BRIP1: variants seen among roughly 807,000 people sequenced by gnomAD.
The protein encoded by BRIP1 is BRCA1 interacting DNA helicase 1.
BRIP1 carries 88 observed loss-of-function variants against 119.7 expected under a neutral mutation model. The observed-to-expected ratio is 0.74, with a 90% CI of 0.62 to 0.88. The LOEUF is 0.88. BRIP1 is among the 40% of genes least tolerant of loss of function. BRIP1 has a pLI of 0.00. For missense variants in BRIP1, 1,259 were observed against 1,455.4 expected (o/e 0.87, Z 2.20); for synonymous variants, 443 against 496.5 (o/e 0.89, Z 1.43).
chr17:61,694,696 C>A (rs1603281445), intron 17 of BRIP1, among the ~76,000 whole-genome samples: 2 of 151,718 alleles, frequency 1.3e-5, no homozygotes, highest in East Asian at 3.9e-4. Flanking sequence ...TATTGTATAC[C>A]CTTCTAAAAA....
rs1160636665 is a variant in BRIP1, at chr17:61,822,202, T to C, written c.628-13445A>G. On this transcript the variant is annotated intron_variant, in intron 6 of 19. Coordinates refer to ENST00000259008, the MANE Select transcript of BRIP1 (RefSeq NM_032043.3). The surrounding 1 kb of genome is among the most constrained non-coding windows in gnomAD (Gnocchi z 4.4). ...ACAATAAAAGAAGAAGAAAAGCTAT[T>C]TGACGAATAGACTGATAATGGGATT... 6.6e-6 allele frequency among the ~76,000 whole-genome samples: 1 copy of C among 152,156 alleles called. No individual in the cohort carries two copies. Among genetic ancestry groups the C allele is most frequent in the Non-Finnish European group, 1.5e-5 (1 of 68,018 alleles).
Position 61,857,017 on chromosome 17 carries a change from T to A in BRIP1, c.379+41A>T, listed in dbSNP as rs1467879955. On this transcript the variant is annotated intron_variant, in intron 4 of 19. Coordinates refer to ENST00000259008, the MANE Select transcript of BRIP1 (RefSeq NM_032043.3). The surrounding 1 kb of genome is among the most constrained non-coding windows in gnomAD (Gnocchi z 5.1). ...CTTATAACAGTAATAATTAAGACTC[T>A]TATTACAGATATCAACTGACCCAGG... 6.3e-7 allele frequency: 1 copy of A among 1,574,966 alleles called. No homozygotes were observed. The highest frequency in any genetic ancestry group is 1.1e-5 in the South Asian group (1 of 90,272).
At position 61,757,805 on chromosome 17, in the gene BRIP1, G is replaced by C. The variant is rs907804114; in HGVS notation, c.2098-13214C>G. Among the ~76,000 whole-genome samples the C allele has an allele frequency of 6.6e-6, 1 of 151,936 alleles. No homozygotes were observed. Among genetic ancestry groups the C allele is most frequent in the African/African-American group, 2.4e-5 (1 of 41,376 alleles). ...TCTTGAGCTCAGGATTTCAAGACCA[G>C]CCTGGGCAACATGGCTAAACCCCAT... On this transcript the variant is annotated intron_variant, in intron 14 of 19. Coordinates refer to ENST00000259008, the MANE Select transcript of BRIP1 (RefSeq NM_032043.3). The surrounding 1 kb of genome is among the most constrained non-coding windows in gnomAD (Gnocchi z 4.3).
Position 61,793,857 on chromosome 17 carries a change from T to A in BRIP1, c.1341-128A>T. ...TCTTGACATTCTTAGGACATGAATG[T>A]GGATTAATTAAGACACCTTTTAAAA... On this transcript the variant is annotated intron_variant, in intron 9 of 19. Coordinates refer to ENST00000259008, the MANE Select transcript of BRIP1 (RefSeq NM_032043.3). The surrounding 1 kb of genome is among the most constrained non-coding windows in gnomAD (Gnocchi z 5.2). 1.0e-6 allele frequency: 1 copy of A among 952,490 alleles called. No individual in the cohort carries two copies. Among genetic ancestry groups the A allele is most frequent in the Non-Finnish European group, 1.5e-6 (1 of 681,802 alleles). 59.0% of individuals were successfully genotyped at this position (952,490 alleles called of 1,614,324 possible). A position where few individuals can be genotyped will look rare whatever the true frequency, so the allele number is the denominator to read the frequency against.
intron 8 of BRIP1, 25 bp downstream of exon 8, chr17:61,801,228 T>C (rs981878894): frequency 1.3e-6 from 2 of 1,579,054 alleles, no homozygotes; most frequent in East Asian, 2.2e-5. Context: ...AGGAAGAAGG[T>C]TCTCATTTTT....
chr17:61,700,458 T>G lies in BRIP1; in HGVS notation c.2493-6946A>C, dbSNP rs1024306381. On this transcript the variant is annotated intron_variant, in intron 17 of 19. Transcript: ENST00000259008. The surrounding 1 kb of genome is among the most constrained non-coding windows in gnomAD (Gnocchi z 4.1). ...TTTACCTTATTTCTGAAGGACAGTT[T>G]TGTTAGATATAGTATTCTTGGTTGA... Among the ~76,000 whole-genome samples, 1 of 152,208 alleles carries G rather than the reference T, an allele frequency of 6.6e-6. No homozygotes were observed. Among genetic ancestry groups the G allele is most frequent in the African/African-American group, 2.4e-5 (1 of 41,456 alleles).
rs373962393 is a variant in BRIP1 at position 61,825,412 on chromosome 17, T to C, written c.628-16655A>G. Among the ~76,000 whole-genome samples, 69 of 152,036 alleles carry C rather than the reference T, an allele frequency of 4.5e-4. No individual in the cohort carries two copies. In the East Asian group the frequency reaches 0.012, roughly 26 times the overall value. On this transcript the variant is annotated intron_variant, in intron 6 of 19. Transcript: ENST00000259008. The surrounding 1 kb of genome is among the most constrained non-coding windows in gnomAD (Gnocchi z 4.1). ...GAGAAAGAAATAAAGGGCATCCAAA[T>C]AGGAAGAGAGGAAGTCAAACTATCC...
chr17:61,767,831 C>T lies in BRIP1; in HGVS notation c.2097+8570G>A, dbSNP rs2077394111. ...GTGATTATGAAAATATTTTCTGTGC[C>T]TTTGCTAATACATGTCTCCTTGGTC... On this transcript the variant is annotated intron_variant, in intron 14 of 19. Coordinates refer to ENST00000259008, the MANE Select transcript of BRIP1 (RefSeq NM_032043.3). The surrounding 1 kb of genome is among the most constrained non-coding windows in gnomAD (Gnocchi z 5.7). Among the ~76,000 whole-genome samples the T allele has an allele frequency of 6.6e-6, 1 of 152,136 alleles. No homozygotes were observed.
chr17:61,851,709 C>T lies in BRIP1; in HGVS notation c.380-2453G>A, dbSNP rs1407211334. 6.6e-6 allele frequency among the ~76,000 whole-genome samples: 1 copy of T among 152,166 alleles called. No individual in the cohort carries two copies. Among genetic ancestry groups the T allele is most frequent in the Non-Finnish European group, 1.5e-5 (1 of 68,032 alleles). ...TGGTGGATCAAATCTCTCACCTTGA[C>T]CTGCTTCTTCAAAAGCATCCTGGCT... On this transcript the variant is annotated intron_variant, in intron 4 of 19. Coordinates refer to ENST00000259008, the MANE Select transcript of BRIP1 (RefSeq NM_032043.3). The surrounding 1 kb of genome is among the most constrained non-coding windows in gnomAD (Gnocchi z 4.6).
rs552840954 is a variant in BRIP1, at chr17:61,780,728, AAACAACAAC to A, written c.1794+103_1794+111del. The A allele has an allele frequency of 3.3e-5, 44 of 1,316,434 alleles. No homozygotes were observed. In the South Asian group the frequency reaches 4.3e-4, roughly 13 times the overall value. 81.5% of individuals were successfully genotyped at this position (1,316,434 alleles called of 1,614,324 possible). ...GGGTGAAGAGCAAGACCCTGCCTCA[AAACAACAAC>A]AACAACAACAACAAACAACTATCTT... On this transcript the variant is annotated intron_variant, in intron 12 of 19. Transcript: ENST00000259008. This position sits in a 1 kb window ranked among gnomAD's most constrained non-coding sequence, Gnocchi z 5.4.
At chr17:61,685,468 C>T (rs113768494) in intron 19 of BRIP1, 2,793 of 249,140 alleles carry the variant, frequency 0.011, 21 homozygotes, top group Non-Finnish European at 0.016. Context: ...ATAACATCTA[C>T]CACTTACATG....
At chr17:61,826,247 A>G (rs1398183505) in intron 6 of BRIP1, among the ~76,000 whole-genome samples, 3 of 152,198 alleles carry the variant, frequency 2.0e-5, no homozygotes, top group Non-Finnish European at 1.5e-5. Flanking sequence ...TTCAAAAATT[A>G]AGATAGATTA....
In BRIP1 at chr17:61,757,444, G is replaced by C. The variant is rs1479602851; in HGVS notation, c.2098-12853C>G. Among the ~76,000 whole-genome samples, 3 of 152,034 alleles carry C rather than the reference G, an allele frequency of 2.0e-5. No individual in the cohort carries two copies. The highest frequency in any genetic ancestry group is 4.4e-5 in the Non-Finnish European group (3 of 68,010). ...AAGACCTCTGTTGGCAATCTAACTG[G>C]AAATGAAGATCCTACAGCCCTCTCT... On this transcript the variant is annotated intron_variant, in intron 14 of 19. Transcript: ENST00000259008. This position sits in a 1 kb window ranked among gnomAD's most constrained non-coding sequence, Gnocchi z 4.3.
intron 14 of BRIP1, among the ~76,000 whole-genome samples, chr17:61,750,547 G>A (rs2077118120): frequency 6.6e-6 from 1 of 151,990 alleles, no homozygotes; most frequent in South Asian, 2.1e-4. Context: ...AACTTTTTTG[G>A]ATACTGTCAA....
chr17:61,726,903 T>C lies in BRIP1; in HGVS notation c.2380-10840A>G, dbSNP rs1458890526. ...GTCTAAATATTATTTTATTCAAATATCTTACAATCTAGAGTTTTTCTTGTT... is the reference window on the plus strand; with the variant it reads ...GTCTAAATATTATTTTATTCAAATACCTTACAATCTAGAGTTTTTCTTGTT... On this transcript the variant is annotated intron_variant, in intron 16 of 19. Coordinates refer to ENST00000259008, the MANE Select transcript of BRIP1 (RefSeq NM_032043.3). The surrounding 1 kb of genome is among the most constrained non-coding windows in gnomAD (Gnocchi z 6.2). Among the ~76,000 whole-genome samples the C allele has an allele frequency of 6.6e-6, 1 of 152,192 alleles. No individual in the cohort carries two copies. Among genetic ancestry groups the C allele is most frequent in the African/African-American group, 2.4e-5 (1 of 41,454 alleles).
chr17:61,795,955 G>A lies in BRIP1; in HGVS notation c.1341-2226C>T, dbSNP rs564616617. On this transcript the variant is annotated intron_variant, in intron 9 of 19. Transcript: ENST00000259008. The surrounding 1 kb of genome is among the most constrained non-coding windows in gnomAD (Gnocchi z 5.6). ...TTTTGCATAAAAGTCATTTTAACTG[G>A]GGTGAGGTGATATCTCATTGTAGTT... is the stretch of plus-strand genomic sequence containing the variant. 1.3e-5 allele frequency among the ~76,000 whole-genome samples: 2 copies of A among 152,102 alleles called. No homozygotes were observed. The highest frequency in any genetic ancestry group is 1.9e-4 in the East Asian group (1 of 5,184).
chr17:61,756,633 G>T lies in BRIP1; in HGVS notation c.2098-12042C>A, dbSNP rs918793794. Among the ~76,000 whole-genome samples, 1 of 152,118 alleles carries T rather than the reference G, an allele frequency of 6.6e-6. No homozygotes were observed. The highest frequency in any genetic ancestry group is 1.5e-5 in the Non-Finnish European group (1 of 68,014). On this transcript the variant is annotated intron_variant, in intron 14 of 19. Coordinates refer to ENST00000259008, the MANE Select transcript of BRIP1 (RefSeq NM_032043.3). The surrounding 1 kb of genome is among the most constrained non-coding windows in gnomAD (Gnocchi z 4.3). ...ACTTTGTCAAACTTCTTTAAAACTAGTATTTCGCTAGGGAGGGAATAAGTT... is the reference window on the plus strand; with the variant it reads ...ACTTTGTCAAACTTCTTTAAAACTATTATTTCGCTAGGGAGGGAATAAGTT...
rs1465081240 is a variant in BRIP1, at chr17:61,761,895, A to AT, written c.2097+14505dup. Among the ~76,000 whole-genome samples the AT allele has an allele frequency of 2.0e-5, 3 of 152,100 alleles. No individual in the cohort carries two copies. Among genetic ancestry groups the AT allele is most frequent in the Non-Finnish European group, 4.4e-5 (3 of 67,992 alleles). ...AATTCCAATGTCATTTTTCATAGAA[A>AT]TAGAAAAAAGAATCCTAAATTTCAT... On this transcript the variant is annotated intron_variant, in intron 14 of 19. Coordinates refer to ENST00000259008, the MANE Select transcript of BRIP1 (RefSeq NM_032043.3). This position sits in a 1 kb window ranked among gnomAD's most constrained non-coding sequence, Gnocchi z 6.4.
rs1256067519 is a variant in BRIP1 at position 61,736,719 on chromosome 17, T to G, written c.2379+6294A>C. Among the ~76,000 whole-genome samples the G allele has an allele frequency of 6.6e-6, 1 of 152,196 alleles. No homozygotes were observed. The highest frequency in any genetic ancestry group is 1.9e-4 in the East Asian group (1 of 5,198). On this transcript the variant is annotated intron_variant, in intron 16 of 19. Transcript: ENST00000259008. The surrounding 1 kb of genome is among the most constrained non-coding windows in gnomAD (Gnocchi z 4.4). ...ACTAAAACATTTATTAAACACTGTG[T>G]TTTTAGGTAATATCTTAGTTGTAGA...
Sources: gnomAD v4.1 joint callset for allele counts (sites outside exome capture counted in the v4.1 genomes callset) on GRCh38, gnomAD v4.1.1 for gene constraint, Gnocchi (gnomAD v3.1) non-coding constraint, MANE v1.5 for transcripts, NCBI Gene and HGNC (gene_info 2026-07-23, HGNC 2026-07-21) for gene names.